The following PGM5 variants were observed in gnomAD, a reference collection of about 807,000 sequenced individuals.
PGM5 encodes phosphoglucomutase-like protein 5.
Under a neutral mutation model 59.2 loss-of-function variants are expected in PGM5, and 23 were observed. The observed-to-expected ratio is 0.39, with a 90% confidence interval of 0.28 to 0.55. The LOEUF is 0.55. PGM5 is among the 20% of genes least tolerant of loss of function. PGM5 has a pLI of 0.66. For synonymous variants in PGM5, 214 were observed against 286.0 expected, an observed-to-expected ratio of 0.75 and a Z score of 2.54; for missense variants, 574 against 748.3, an observed-to-expected ratio of 0.77 and a Z score of 2.72.
At chr9:68,367,065 C>G (rs1834692480) in intron 1 of PGM5, among the ~76,000 whole-genome samples, 1 of 151,876 alleles carries the variant, frequency 6.6e-6, no homozygotes, top group Admixed American at 6.6e-5. Flanking sequence ...GAGCTTCTCC[C>G]CCTCCCGGCA....
At chr9:68,373,821 G>A (rs1821803802) in intron 1 of PGM5, among the ~76,000 whole-genome samples, 1 of 152,154 alleles carries the variant, frequency 6.6e-6, no homozygotes, top group Admixed American at 6.5e-5. Context: ...AATGGGATGG[G>A]GACCCAGTTT....
chr9:68,425,674 GT>G (rs140446311), intron 6 of PGM5, among the ~76,000 whole-genome samples: 3,584 of 152,110 alleles, frequency 0.024, 129 homozygotes, highest in African/African-American at 0.079. Context: ...GGTAAATGGT[GT>G]TTATTTGTTC....
chr9:68,437,421 C>T lies in PGM5; in HGVS notation c.1044-27672C>T, dbSNP rs1310771616. Among the ~76,000 whole-genome samples, 1 of 152,214 alleles carries T rather than the reference C, an allele frequency of 6.6e-6. No individual in the cohort carries two copies. Among genetic ancestry groups the T allele is most frequent in the Non-Finnish European group, 1.5e-5 (1 of 68,042 alleles). The stretch of plus-strand genomic sequence containing the variant: ...CTCAGGGAGCCCAATGCTTAGGCAA[C>T]AGTCTACAAGTTGGTGAATATCTCT... On this transcript the variant is annotated intron_variant, in intron 6 of 10. Transcript: ENST00000396396. The surrounding 1 kb of genome is among the most constrained non-coding windows in gnomAD (Gnocchi z 4.1).
chr9:68,492,334 A>G (rs1376523534), intron 9 of PGM5, among the ~76,000 whole-genome samples: 1 of 152,204 alleles, frequency 6.6e-6, no homozygotes, highest in Non-Finnish European at 1.5e-5. Flanking sequence ...TGGAATTTGG[A>G]TGAGGAATAG....
chr9:68,462,221 G>A (rs947035797), intron 6 of PGM5, among the ~76,000 whole-genome samples: 8 of 151,846 alleles, frequency 5.3e-5, no homozygotes, highest in Non-Finnish European at 8.8e-5. Context: ...TTATCTCCCC[G>A]ACACAATGGC....
At chr9:68,453,306 C>A (rs1554684537) in intron 6 of PGM5, among the ~76,000 whole-genome samples, 1 of 152,152 alleles carries the variant, frequency 6.6e-6, no homozygotes, top group Non-Finnish European at 1.5e-5. Flanking sequence ...TTTGGAAATT[C>A]ATCCACCATC....
At chr9:68,480,758 A>C (rs1435564302) in intron 8 of PGM5, among the ~76,000 whole-genome samples, 1 of 152,074 alleles carries the variant, frequency 6.6e-6, no homozygotes, top group Admixed American at 6.5e-5. Context: ...ACAGAAAAGG[A>C]AACCATTATT....
chr9:68,406,075 C>T (rs1554681113), intron 6 of PGM5: 1 of 152,054 alleles, frequency 6.6e-6, no homozygotes. Flanking sequence ...TTATGTCTGC[C>T]AGTGTACTCA....
chr9:68,445,964 G>A (rs1823605301), intron 6 of PGM5, among the ~76,000 whole-genome samples: 1 of 152,208 alleles, frequency 6.6e-6, no homozygotes, highest in Non-Finnish European at 1.5e-5. Context: ...TTTACAAATG[G>A]TGAAGGAATA....
chr9:68,405,775 A>G (rs1385831795), intron 6 of PGM5: 1 of 152,280 alleles, frequency 6.6e-6, no homozygotes, highest in African/African-American at 2.4e-5. Flanking sequence ...TTGTGTGCCA[A>G]GCACACTGCA....
chr9:68,367,445 C>T (rs183902818), intron 1 of PGM5, among the ~76,000 whole-genome samples: 3 of 152,154 alleles, frequency 2.0e-5, no homozygotes, highest in Non-Finnish European at 2.9e-5. Flanking sequence ...AGAGACTCCA[C>T]GCTAATCTGC....
At chr9:68,373,101 T>C (rs450885) in intron 1 of PGM5, among the ~76,000 whole-genome samples, 5,660 of 147,958 alleles carry the variant, frequency 0.038, 171 homozygotes, top group East Asian at 0.12. Flanking sequence ...AAGCCACTCA[T>C]TGACATCCAC....
intron 6 of PGM5, among the ~76,000 whole-genome samples, chr9:68,448,704 C>T (rs1476734630): frequency 6.6e-6 from 1 of 152,190 alleles, no homozygotes; most frequent in Non-Finnish European, 1.5e-5. Flanking sequence ...ATAGGCACCC[C>T]TCAAGCCCTG....
chr9:68,377,069 G>T (rs1361892805), intron 1 of PGM5, among the ~76,000 whole-genome samples: 1 of 151,896 alleles, frequency 6.6e-6, no homozygotes, highest in Non-Finnish European at 1.5e-5. Context: ...TGGGACTACA[G>T]GCGTGCACCA....
intron 7 of PGM5, among the ~76,000 whole-genome samples, chr9:68,467,092 C>T (rs1554685890): frequency 6.6e-6 from 1 of 152,136 alleles, no homozygotes; most frequent in Non-Finnish European, 1.5e-5. Context: ...ATCCTTGTCT[C>T]CCAGTGACAG....
At chr9:68,441,119 G>A (rs923537487) in intron 6 of PGM5, among the ~76,000 whole-genome samples, 1 of 151,918 alleles carries the variant, frequency 6.6e-6, no homozygotes, top group Non-Finnish European at 1.5e-5. Context: ...GAAGTAATTT[G>A]AATATTTCCA....
At chr9:68,449,136 T>C (rs781944653) in intron 6 of PGM5, among the ~76,000 whole-genome samples, 2 of 152,212 alleles carry the variant, frequency 1.3e-5, no homozygotes, top group South Asian at 2.1e-4. Context: ...GAGTCTCTAA[T>C]GTAAGGGCAC....
chr9:68,380,544 A>C (rs1301725875), intron 2 of PGM5, among the ~76,000 whole-genome samples: 2 of 152,072 alleles, frequency 1.3e-5, no homozygotes, highest in East Asian at 3.9e-4. Flanking sequence ...GGAGCTAAAG[A>C]AAGAACAAAC....
chr9:68,420,981 T>G (rs1377825449), intron 6 of PGM5, among the ~76,000 whole-genome samples: 1 of 152,184 alleles, frequency 6.6e-6, no homozygotes, highest in East Asian at 1.9e-4. Flanking sequence ...TAACTTGGGA[T>G]GTATGCTTTG....
Sources: allele counts gnomAD v4.1 joint callset (sites outside exome capture counted in the v4.1 genomes callset), GRCh38; gene constraint gnomAD v4.1.1; non-coding constraint Gnocchi (gnomAD v3.1); transcripts MANE v1.5; gene names NCBI Gene and HGNC (gene_info 2026-07-23, HGNC 2026-07-21).